HNRNPC: variants seen among roughly 807,000 people sequenced by gnomAD.
HNRNPC encodes the protein heterogeneous nuclear ribonucleoprotein C.
In HNRNPC, 3 loss-of-function variants were observed where a neutral mutation model predicts 33.2. The ratio of observed to expected loss-of-function variants is 0.09; its 90% confidence interval spans 0.04 to 0.23. HNRNPC has a LOEUF of 0.23. HNRNPC is among the 10% of genes least tolerant of loss of function. The pLI is 1.00. For missense variants in HNRNPC, 143 were observed against 366.7 expected (o/e 0.39, Z 4.98); for synonymous variants, 121 against 126.7 (o/e 0.96, Z 0.30).
intron 2 of HNRNPC, among the ~76,000 whole-genome samples, chr14:21,246,823 C>T (rs1050113735): frequency 7.9e-5 from 12 of 152,168 alleles, no homozygotes; most frequent in African/African-American, 2.7e-4. Flanking sequence ...TCATCTTCCC[C>T]TCAGCCTATT....
chr14:21,219,757 G>A (rs1892618889), intron 5 of HNRNPC, among the ~76,000 whole-genome samples: 1 of 152,056 alleles, frequency 6.6e-6, no homozygotes, highest in Non-Finnish European at 1.5e-5. Context: ...CTAAGCAGAT[G>A]ACTCCCTTAG....
At chr14:21,250,478 T>C (rs941179412) in intron 2 of HNRNPC, among the ~76,000 whole-genome samples, 38 of 152,204 alleles carry the variant, frequency 2.5e-4, no homozygotes, top group African/African-American at 8.7e-4. Context: ...ACAAGGTATT[T>C]TGAATGTTAA....
intron 5 of HNRNPC, among the ~76,000 whole-genome samples, chr14:21,215,437 C>T (rs1244249922): frequency 6.6e-6 from 1 of 152,184 alleles, no homozygotes; most frequent in Non-Finnish European, 1.5e-5. Context: ...TAGCTGATTA[C>T]TTACTGATTA....
intron 2 of HNRNPC, 88 bp from the exon 3 acceptor site, chr14:21,234,317 T>C: frequency 4.9e-6 from 6 of 1,221,144 alleles, no homozygotes; most frequent in Non-Finnish European, 6.9e-6. Flanking sequence ...TCTGAATCAC[T>C]GTTAACTGCC....
intron 5 of HNRNPC, among the ~76,000 whole-genome samples, chr14:21,224,897 T>C (rs1367750503): frequency 4.6e-5 from 7 of 152,164 alleles, no homozygotes; most frequent in Admixed American, 4.6e-4. Flanking sequence ...AACAGCACTC[T>C]GAAAACCTCT....
chr14:21,224,024 GA>G (rs578148716), intron 5 of HNRNPC, among the ~76,000 whole-genome samples: 160 of 152,212 alleles, frequency 1.1e-3, no homozygotes, highest in Non-Finnish European at 1.8e-3. Context: ...TTTCAATGCA[GA>G]ATGTCCCCAG....
chr14:21,226,582 C>G (rs187472631), intron 5 of HNRNPC, among the ~76,000 whole-genome samples: 2 of 152,002 alleles, frequency 1.3e-5, no homozygotes, highest in Non-Finnish European at 2.9e-5. Context: ...GAGGGCCAGG[C>G]GTAGTGGTTC....
intron 5 of HNRNPC, among the ~76,000 whole-genome samples, chr14:21,225,468 G>C (rs551392866): frequency 2.0e-5 from 3 of 151,616 alleles, no homozygotes; most frequent in Non-Finnish European, 2.9e-5. Context: ...GAGATGAGAC[G>C]ACTCAAGAAA....
intron 2 of HNRNPC, among the ~76,000 whole-genome samples, chr14:21,257,633 T>A (rs966827427): frequency 6.6e-6 from 1 of 152,084 alleles, no homozygotes; most frequent in African/African-American, 2.4e-5. Flanking sequence ...TCACCCAGGC[T>A]GGAGTACAGT....
At chr14:21,231,663 G>A (rs950103122) in intron 3 of HNRNPC, among the ~76,000 whole-genome samples, 1 of 152,080 alleles carries the variant, frequency 6.6e-6, no homozygotes, top group Non-Finnish European at 1.5e-5. Flanking sequence ...TTCATCTTCC[G>A]TTTCTTTGTA....
intron 1 of HNRNPC, among the ~76,000 whole-genome samples, chr14:21,267,113 A>T (rs1238903741): frequency 6.8e-4 from 44 of 64,794 alleles, no homozygotes; most frequent in Non-Finnish European, 1.1e-3. Context: ...AAAAAAAAAA[A>T]AAAAAAAAAA....
At chr14:21,244,277 G>C (rs1471312156) in intron 2 of HNRNPC, among the ~76,000 whole-genome samples, 1 of 152,232 alleles carries the variant, frequency 6.6e-6, no homozygotes, top group Non-Finnish European at 1.5e-5. Flanking sequence ...AGGGATTATA[G>C]GCGTGAGCCC....
Position 21,239,435 on chromosome 14 carries a change from C to T in HNRNPC, c.-36-5206G>A, listed in dbSNP as rs895495932. Among the ~76,000 whole-genome samples, 6 of 151,912 alleles carry T rather than the reference C, an allele frequency of 3.9e-5. No individual in the cohort carries two copies. In the East Asian group the frequency reaches 9.7e-4, roughly 24 times the overall value. Reference sequence around the variant, plus strand: ...GCAGAGGTGCAGTCAGCGGAGATAGCGCCACTGCACTCCAGTCTGGGTGAC... The same window carrying T: ...GCAGAGGTGCAGTCAGCGGAGATAGTGCCACTGCACTCCAGTCTGGGTGAC... On this transcript the variant is annotated intron_variant, in intron 2 of 8. Coordinates refer to ENST00000553300, the MANE Select transcript of HNRNPC (RefSeq NM_004500.4).
chr14:21,249,309 C>T (rs1371410808), intron 2 of HNRNPC, among the ~76,000 whole-genome samples: 9 of 151,778 alleles, frequency 5.9e-5, no homozygotes, highest in South Asian at 2.1e-4. Context: ...CAGTGGCTCA[C>T]GCCTGTAATC....
At chr14:21,230,425 C>A in intron 4 of HNRNPC, 59 bp from the exon 5 acceptor site, 4 of 1,249,544 alleles carry the variant, frequency 3.2e-6, no homozygotes, top group South Asian at 2.5e-5. Context: ...TTCACAATGT[C>A]AGGTGAGGGG....
intron 3 of HNRNPC, among the ~76,000 whole-genome samples, chr14:21,233,442 AAC>A (rs1894334356): frequency 6.6e-6 from 1 of 152,254 alleles, no homozygotes; most frequent in South Asian, 2.1e-4. Flanking sequence ...GAGAAGTTAA[AAC>A]AGACATCTAG....
At chr14:21,242,331 A>G (rs1895447861) in intron 2 of HNRNPC, among the ~76,000 whole-genome samples, 1 of 152,150 alleles carries the variant, frequency 6.6e-6, no homozygotes, top group Middle Eastern at 3.2e-3. Context: ...AAAAATACTA[A>G]AAATTAGCTG....
Position 21,211,513 on chromosome 14 carries a change from T to G in HNRNPC, c.691A>C (p.Lys231Gln). ...EEEQSSSSVK[K>Q]DETNVKMESE... ...TCCATCTTCACATTAGTCTCATCTT[T>G]CTTCACGGAGCTGCTGCTCTGCTCC... Residue 231 changes from lysine (K) to glutamine (Q), a missense_variant, in exon 8 of 9, where the codon AAA (lysine) becomes CAA (glutamine). Lys to Gln is a moderately conservative substitution (Grantham distance 53). Transcript: ENST00000553300. The G allele has an allele frequency of 6.2e-7, 1 of 1,612,986 alleles. No homozygotes were observed. Among genetic ancestry groups the G allele is most frequent in the Non-Finnish European group, 8.5e-7 (1 of 1,179,592 alleles).
In HNRNPC at chr14:21,231,124, A is replaced by G. The variant is rs762667556; in HGVS notation, c.242-52T>C. 1.6e-5 allele frequency: 24 copies of G among 1,534,308 alleles called. No homozygotes were observed. In the East Asian group the frequency reaches 5.2e-4, roughly 33 times the overall value. ...TGACAACTTTGTATCCGGGTAAAAC[A>G]AACTACAAAGTTTATTTTTTTTATT... On this transcript the variant is annotated intron_variant, in intron 3 of 8. Coordinates refer to ENST00000553300, the MANE Select transcript of HNRNPC (RefSeq NM_004500.4).
Sources: allele counts gnomAD v4.1 joint callset (sites outside exome capture counted in the v4.1 genomes callset), GRCh38; gene constraint gnomAD v4.1.1; transcripts MANE v1.5; gene names NCBI Gene and HGNC (gene_info 2026-07-23, HGNC 2026-07-21).